ZNF445: variants seen among roughly 807,000 people sequenced by gnomAD.
ZNF445 encodes zinc finger protein 168.
In ZNF445, 19 loss-of-function variants were observed where a neutral mutation model predicts 93.9. The ratio of observed to expected loss-of-function variants is 0.20; its 90% CI spans 0.14 to 0.30. The LOEUF is 0.30. Among genes scored for constraint, ZNF445 ranks in the 10% least tolerant of loss-of-function variants. The probability of loss-of-function intolerance (pLI) is 1.00; values close to 1 mark genes in which losing one functional copy is unlikely to be tolerated. For missense variants in ZNF445, 1,058 were observed against 1,259.4 expected, an observed-to-expected ratio of 0.84 and a Z score of 2.42; for synonymous variants, 449 against 446.3, an observed-to-expected ratio of 1.01 and a Z score of -0.08.
chr3:44,455,129 A>T lies in ZNF445; in HGVS notation c.421T>A (p.Ser141Thr). 1 of 1,614,076 alleles carries T rather than the reference A, an allele frequency of 6.2e-7. No homozygotes were observed. The highest frequency in any genetic ancestry group is 1.6e-4 in the Middle Eastern group (1 of 6,062). Residue 141 changes from serine (S) to threonine (T), a missense_variant, in exon 3 of 8, where the codon TCC becomes ACC. Around this residue, in one of 3 missense-constraint regions of ZNF445, gnomAD observed 657 missense variants for 746.4 expected, o/e 0.88. Coordinates refer to ENST00000396077, the MANE Select transcript of ZNF445 (RefSeq NM_181489.6). ...EELQRDLDGTSWRDPGPAQSP... is the reference protein window; with the variant it reads ...EELQRDLDGTTWRDPGPAQSP... ...CACTTGCTCACACTCACCCTCCAGG[A>T]TGTCCCATCAAGGTCCCTCTGCAGC...
intron 1 of ZNF445, among the ~76,000 whole-genome samples, chr3:44,461,249 T>C (rs1288232637): frequency 2.0e-5 from 3 of 152,190 alleles, no homozygotes; most frequent in Non-Finnish European, 2.9e-5. Context: ...TGTCTGTGTC[T>C]GTAGCACCAC....
intron 1 of ZNF445, among the ~76,000 whole-genome samples, chr3:44,461,880 C>G: frequency 6.6e-6 from 1 of 152,012 alleles, no homozygotes; most frequent in East Asian, 1.9e-4. Flanking sequence ...ACAGCTATGG[C>G]GCAGTGAGCA....
intron 1 of ZNF445, among the ~76,000 whole-genome samples, chr3:44,474,967 G>A (rs1285759574): frequency 3.9e-5 from 6 of 151,956 alleles, no homozygotes; most frequent in African/African-American, 1.2e-4. Flanking sequence ...GCGTGGTGGC[G>A]CATGCCTGTA....
intron 1 of ZNF445, among the ~76,000 whole-genome samples, chr3:44,470,383 G>T (rs1403166013): frequency 2.0e-5 from 3 of 152,200 alleles, no homozygotes; most frequent in Non-Finnish European, 4.4e-5. Context: ...GTATACGCAT[G>T]TATGTGAATG....
At chr3:44,455,753 G>C (rs1312466658) in intron 2 of ZNF445, 57 bp from the exon 3 acceptor site, 1 of 554,654 alleles carries the variant, frequency 1.8e-6, no homozygotes, top group Non-Finnish European at 3.1e-6. Context: ...GTTGGATTCT[G>C]CTGGTTGGGA....
intron 1 of ZNF445, among the ~76,000 whole-genome samples, chr3:44,475,233 T>C (rs1366022848): frequency 6.6e-6 from 1 of 152,166 alleles, no homozygotes; most frequent in Non-Finnish European, 1.5e-5. Flanking sequence ...AGTTTCACTC[T>C]TGTTGCCCAG....
In ZNF445 at chr3:44,446,555, T is replaced by C. The variant is rs753481792; in HGVS notation, c.*20A>G. 4 of 1,613,664 alleles carry C rather than the reference T, an allele frequency of 2.5e-6. No individual in the cohort carries two copies. In the East Asian group the frequency reaches 6.7e-5, roughly 27 times the overall value. On this transcript the variant is annotated 3_prime_UTR_variant, in exon 8 of 8. Transcript: ENST00000396077. The surrounding 1 kb of genome is among the most constrained non-coding windows in gnomAD (Gnocchi z 4.2). ...CAGGGGACTGAGAACCCACCCCCACTGTCACTGTCAGGTCCCAGGCTAATC... is the reference window on the plus strand; with the variant it reads ...CAGGGGACTGAGAACCCACCCCCACCGTCACTGTCAGGTCCCAGGCTAATC...
intron 2 of ZNF445, among the ~76,000 whole-genome samples, chr3:44,456,893 C>T (rs373098888): frequency 2.0e-5 from 3 of 152,066 alleles, no homozygotes; most frequent in Non-Finnish European, 4.4e-5. Context: ...TTTGGGAGGC[C>T]GAAGTGGGCG....
chr3:44,437,568 G>A lies in ZNF445; in HGVS notation c.*9007C>T, dbSNP rs1697709371. Reference sequence around the variant, plus strand: ...TAGGATGGAGTAACCTCTAACCTGAGGTCAGTCAAGTGTCCTTGCCTTTTA... The same window carrying A: ...TAGGATGGAGTAACCTCTAACCTGAAGTCAGTCAAGTGTCCTTGCCTTTTA... On this transcript the variant is annotated 3_prime_UTR_variant, in exon 8 of 8. Transcript: ENST00000396077. 6.6e-6 allele frequency: 1 copy of A among 152,146 alleles called. No homozygotes were observed. The highest frequency in any genetic ancestry group is 1.5e-5 in the Non-Finnish European group (1 of 68,030). The allele number at this position is 152,146 out of a possible 1,614,324, so 9.4% of individuals were successfully genotyped here.
intron 3 of ZNF445, chr3:44,454,792 C>A: frequency 2.8e-6 from 1 of 352,396 alleles, no homozygotes; most frequent in Non-Finnish European, 5.4e-6. Context: ...CTGGCTTGAA[C>A]TCCTGGCCTC....
chr3:44,451,147 G>T (rs1010810075), intron 4 of ZNF445, among the ~76,000 whole-genome samples, 167 bp downstream of exon 4: 1 of 152,134 alleles, frequency 6.6e-6, no homozygotes, highest in Non-Finnish European at 1.5e-5. Context: ...GGTGTAATGG[G>T]GGAGGAGCAA....
At position 44,436,017 on chromosome 3, in the gene ZNF445, T is replaced by C. The variant is rs558566612; in HGVS notation, c.*10558A>G. 6.6e-6 allele frequency: 1 copy of C among 152,192 alleles called. No individual in the cohort carries two copies. The highest frequency in any genetic ancestry group is 1.5e-5 in the Non-Finnish European group (1 of 68,038). 9.4% of individuals were successfully genotyped at this position (152,192 alleles called of 1,614,324 possible). A position where few individuals can be genotyped will look rare whatever the true frequency, so the allele number is the denominator to read the frequency against. ...GGGAGGCCTAGGAAGATAAAAAGTA[T>C]AAATTATTGTCAGTGCAGCAGGGTC... On this transcript the variant is annotated 3_prime_UTR_variant, in exon 8 of 8. Coordinates refer to ENST00000396077, the MANE Select transcript of ZNF445 (RefSeq NM_181489.6).
intron 1 of ZNF445, among the ~76,000 whole-genome samples, chr3:44,469,907 T>G (rs894166911): frequency 1.3e-5 from 2 of 152,222 alleles, no homozygotes; most frequent in Admixed American, 6.5e-5. Context: ...TTGTGAGGAC[T>G]CTTTCGCTCT....
rs1447860128 is a variant in ZNF445 at position 44,434,310 on chromosome 3, C to T, written c.*12265G>A. The T allele has an allele frequency of 6.6e-6, 1 of 151,068 alleles. No homozygotes were observed. The highest frequency in any genetic ancestry group is 1.5e-5 in the Non-Finnish European group (1 of 67,924). 9.4% of individuals were successfully genotyped at this position (151,068 alleles called of 1,614,324 possible). On this transcript the variant is annotated 3_prime_UTR_variant, in exon 8 of 8. Transcript: ENST00000396077. Reference sequence around the variant, plus strand: ...GGCGCACACCTGTAGTCCCAACAGGCTGAGGAAGCAGCTTCACTTGTACCC... The same window carrying T: ...GGCGCACACCTGTAGTCCCAACAGGTTGAGGAAGCAGCTTCACTTGTACCC...
At position 44,474,616 on chromosome 3, in the gene ZNF445, T is replaced by C. The variant is rs540587590; in HGVS notation, c.-269+2975A>G. ...CTGTCACAGATTGAAGCAGACCAAG[T>C]AGACATGACAACTAAACGTAATGAG... On this transcript the variant is annotated intron_variant, in intron 1 of 7. Coordinates refer to ENST00000396077, the MANE Select transcript of ZNF445 (RefSeq NM_181489.6). Among the ~76,000 whole-genome samples the C allele has an allele frequency of 1.1e-4, 16 of 152,216 alleles. No individual in the cohort carries two copies. The South Asian group carries it at 2.9e-3, about 28-fold the overall frequency.
chr3:44,473,492 A>ACACACACAC (rs1559400839), intron 1 of ZNF445, among the ~76,000 whole-genome samples: 3,845 of 89,044 alleles, frequency 0.043, 128 homozygotes, highest in East Asian at 0.079. Flanking sequence ...CACACACACA[A>ACACACACAC]AAAATGCTTT....
Position 44,455,406 on chromosome 3 carries a change from G to A in ZNF445, c.144C>T (p.Arg48=), listed in dbSNP as rs1225040775. 3 of 1,614,246 alleles carry A rather than the reference G, an allele frequency of 1.9e-6. No homozygotes were observed. Among genetic ancestry groups the A allele is most frequent in the East Asian group, 2.2e-5 (1 of 44,890 alleles). ...VQAARPQTLN[R]PGQELFRQLF... ...GCTGGCGGAACAGCTCCTGGCCAGG[G>A]CGGTTGAGAGTCTGTGGCCTGGCAG... The change falls in exon 3 of 8, where the codon CGC becomes CGT. Residue 48 remains arginine, a synonymous_variant. Transcript: ENST00000396077.
rs1331220109 is a variant in ZNF445, at chr3:44,433,852, A to C, written c.*12723T>G. On this transcript the variant is annotated 3_prime_UTR_variant, in exon 8 of 8. Transcript: ENST00000396077. ...GGTCTTGAAATTCTGAATGGTCTTGAACATCATGCACTGCACCTGGCAAAA... is the reference window on the plus strand; with the variant it reads ...GGTCTTGAAATTCTGAATGGTCTTGCACATCATGCACTGCACCTGGCAAAA... The C allele has an allele frequency of 6.6e-6, 1 of 152,218 alleles. No homozygotes were observed. Among genetic ancestry groups the C allele is most frequent in the African/African-American group, 2.4e-5 (1 of 41,394 alleles). The allele number at this position is 152,218 out of a possible 1,614,324, so 9.4% of individuals were successfully genotyped here.
chr3:44,451,486 G>C lies in ZNF445; in HGVS notation c.430-4C>G. 1 of 1,596,458 alleles carries C rather than the reference G, an allele frequency of 6.3e-7. No individual in the cohort carries two copies. Among genetic ancestry groups the C allele is most frequent in the Non-Finnish European group, 8.6e-7 (1 of 1,167,292 alleles). On this transcript the variant is annotated splice_polypyrimidine_tract_variant and splice_region_variant and intron_variant, in intron 3 of 7. Transcript: ENST00000396077. ...GGCTCTGGGCAGGGCCCGGGTCCTGGCAAGAAGAAAATGTTGTGAGAGGAT... is the reference window on the plus strand; with the variant it reads ...GGCTCTGGGCAGGGCCCGGGTCCTGCCAAGAAGAAAATGTTGTGAGAGGAT...
Sources: gnomAD v4.1 joint callset for allele counts (sites outside exome capture counted in the v4.1 genomes callset) on GRCh38, gnomAD v4.1.1 for gene constraint, gnomAD v4.1.1 regional missense constraint, Gnocchi (gnomAD v3.1) non-coding constraint, MANE v1.5 for transcripts, NCBI Gene and HGNC (gene_info 2026-07-23, HGNC 2026-07-21) for gene names.